NXPH1: variants seen among roughly 807,000 people sequenced by gnomAD.
NXPH1 encodes the protein neurexophilin-1.
A neutral mutation model predicts 23.7 loss-of-function variants in NXPH1; 5 were observed. The observed-to-expected ratio is 0.21, with a 90% confidence interval of 0.11 to 0.44. The LOEUF is 0.44. Among genes scored for constraint, NXPH1 ranks in the 20% least tolerant of loss-of-function variants. The probability of loss-of-function intolerance (pLI) is 0.99; values close to 1 mark genes in which losing one functional copy is unlikely to be tolerated. For missense variants in NXPH1, 324 were observed against 321.6 expected (o/e 1.01, Z -0.06); for synonymous variants, 144 against 122.2 (o/e 1.18, Z -1.18).
chr7:8,674,277 G>T (rs1820916077), intron 2 of NXPH1, among the ~76,000 whole-genome samples: 1 of 151,560 alleles, frequency 6.6e-6, no homozygotes, highest in Non-Finnish European at 1.5e-5. Context: ...TGGAAAAATT[G>T]AAGATGAGAA....
At chr7:8,724,717 G>A (rs1780020981) in intron 2 of NXPH1, among the ~76,000 whole-genome samples, 1 of 152,108 alleles carries the variant, frequency 6.6e-6, no homozygotes, top group Non-Finnish European at 1.5e-5. Flanking sequence ...TGTTACCAAG[G>A]ATATTTTTTC....
At chr7:8,456,673 A>T (rs1177829875) in intron 2 of NXPH1, among the ~76,000 whole-genome samples, 2 of 152,182 alleles carry the variant, frequency 1.3e-5, no homozygotes, top group African/African-American at 4.8e-5. Context: ...CCAAAACAAA[A>T]GTAGTTGAAT....
chr7:8,465,892 C>T (rs1286758863), intron 2 of NXPH1, among the ~76,000 whole-genome samples: 1 of 152,130 alleles, frequency 6.6e-6, no homozygotes, highest in Non-Finnish European at 1.5e-5. Flanking sequence ...GTGTCCACAG[C>T]CTTGAAAAGC....
intron 2 of NXPH1, among the ~76,000 whole-genome samples, chr7:8,447,130 A>T (rs144946138): frequency 3.3e-5 from 5 of 152,350 alleles, no homozygotes; most frequent in African/African-American, 9.6e-5. Context: ...CCTAAGTTTA[A>T]TTCTAAAGCC....
intron 2 of NXPH1, among the ~76,000 whole-genome samples, chr7:8,556,110 C>G (rs567579063): frequency 5.9e-5 from 9 of 151,770 alleles, no homozygotes; most frequent in Non-Finnish European, 1.3e-4. Context: ...TGGCAAACAG[C>G]AGGCACTTAG....
At chr7:8,739,643 C>G (rs894967963) in intron 2 of NXPH1, among the ~76,000 whole-genome samples, 2 of 152,062 alleles carry the variant, frequency 1.3e-5, no homozygotes, top group Non-Finnish European at 2.9e-5. Flanking sequence ...TTAAAATAAC[C>G]TTAGCATACT....
chr7:8,500,093 T>C (rs1451981514), intron 2 of NXPH1, among the ~76,000 whole-genome samples: 2 of 152,108 alleles, frequency 1.3e-5, no homozygotes, highest in Non-Finnish European at 2.9e-5. Flanking sequence ...GTTAAAATAC[T>C]GCATCCAGGT....
intron 2 of NXPH1, among the ~76,000 whole-genome samples, chr7:8,550,136 A>C (rs980343211): frequency 2.0e-5 from 3 of 151,642 alleles, no homozygotes; most frequent in Non-Finnish European, 3.0e-5. Flanking sequence ...AGTGAAAAGC[A>C]GGAATAGTAC....
At chr7:8,583,635 T>C (rs1473743306) in intron 2 of NXPH1, among the ~76,000 whole-genome samples, 1 of 152,178 alleles carries the variant, frequency 6.6e-6, no homozygotes, top group East Asian at 1.9e-4. Context: ...ACTACCCTGG[T>C]GAAGGATGAC....
At chr7:8,705,913 G>A (rs934546728) in intron 2 of NXPH1, among the ~76,000 whole-genome samples, 28 of 152,100 alleles carry the variant, frequency 1.8e-4, no homozygotes, top group Non-Finnish European at 3.4e-4. Context: ...TTTCTTTGTT[G>A]CTCCACTGTG....
At chr7:8,744,587 A>G (rs532534458) in intron 2 of NXPH1, among the ~76,000 whole-genome samples, 1 of 152,284 alleles carries the variant, frequency 6.6e-6, no homozygotes, top group East Asian at 1.9e-4. Context: ...TACAAAATCA[A>G]CATCACCATC....
At chr7:8,634,556 C>T (rs1329867330) in intron 2 of NXPH1, among the ~76,000 whole-genome samples, 1 of 151,822 alleles carries the variant, frequency 6.6e-6, no homozygotes, top group Non-Finnish European at 1.5e-5. Flanking sequence ...GTGTTTCAGG[C>T]CTATGATATG....
At chr7:8,466,630 G>C (rs1816790553) in intron 2 of NXPH1, among the ~76,000 whole-genome samples, 1 of 152,066 alleles carries the variant, frequency 6.6e-6, no homozygotes, top group South Asian at 2.1e-4. Flanking sequence ...ATATCATTAA[G>C]GAAGATGGTG....
intron 2 of NXPH1, among the ~76,000 whole-genome samples, chr7:8,691,633 T>A (rs1283578527): frequency 6.6e-6 from 1 of 152,212 alleles, no homozygotes; most frequent in Admixed American, 6.5e-5. Flanking sequence ...AACTGCCGTA[T>A]AAAGGTAAAG....
intron 2 of NXPH1, among the ~76,000 whole-genome samples, chr7:8,621,236 T>G (rs774589414): frequency 6.6e-6 from 1 of 151,928 alleles, no homozygotes; most frequent in Non-Finnish European, 1.5e-5. Flanking sequence ...AGAACTGGAG[T>G]CAAATCTTTA....
At chr7:8,646,400 A>G (rs1041627394) in intron 2 of NXPH1, among the ~76,000 whole-genome samples, 5 of 152,130 alleles carry the variant, frequency 3.3e-5, no homozygotes, top group Admixed American at 2.6e-4. Context: ...TCTGTCCACA[A>G]TTTGTACGTA....
intron 2 of NXPH1, among the ~76,000 whole-genome samples, chr7:8,477,780 TC>T (rs1175979018): frequency 7.9e-5 from 12 of 152,160 alleles, no homozygotes; most frequent in Admixed American, 7.9e-4. Flanking sequence ...TGAAAAATCA[TC>T]ACTGTCTAGT....
intron 2 of NXPH1, among the ~76,000 whole-genome samples, chr7:8,650,892 G>A (rs1174368221): frequency 6.6e-6 from 1 of 152,132 alleles, no homozygotes; most frequent in Non-Finnish European, 1.5e-5. Context: ...AAACTAAATG[G>A]CATGAATAAA....
intron 2 of NXPH1, among the ~76,000 whole-genome samples, chr7:8,690,930 C>G (rs534056383): frequency 6.6e-6 from 1 of 152,092 alleles, no homozygotes; most frequent in Non-Finnish European, 1.5e-5. Flanking sequence ...TGCTCCTTTG[C>G]CATTCATTCA....
Sources: allele counts gnomAD v4.1 joint callset (sites outside exome capture counted in the v4.1 genomes callset), GRCh38; gene constraint gnomAD v4.1.1; transcripts MANE v1.5; gene names NCBI Gene and HGNC (gene_info 2026-07-23, HGNC 2026-07-21).